HELZ: variants seen among roughly 807,000 people sequenced by gnomAD.
HELZ encodes ATP-dependent RNA helicase with zinc finger domain.
In HELZ, 23 loss-of-function variants were observed where a neutral mutation model predicts 218.2. The observed-to-expected ratio is 0.11, with a 90% confidence interval of 0.08 to 0.15. The LOEUF (loss-of-function observed/expected upper bound fraction) is 0.15, where lower values mean the gene tolerates loss of function less well. Among genes scored for constraint, HELZ ranks in the 10% least tolerant of loss-of-function variants. The pLI, the probability that HELZ is intolerant of heterozygous loss-of-function variation, is 1.00. For missense variants in HELZ, 1,813 were observed against 2,353.7 expected (o/e 0.77, Z 4.75); for synonymous variants, 814 against 829.4 (o/e 0.98, Z 0.32).
chr17:67,189,576 A>G lies in HELZ; in HGVS notation c.864+13T>C, dbSNP rs2039842761. The G allele has an allele frequency of 6.4e-7, 1 of 1,563,628 alleles. No homozygotes were observed. Among genetic ancestry groups the G allele is most frequent in the South Asian group, 1.1e-5 (1 of 89,498 alleles). ...ACACAACTTTTATGCTTTAACTAGC[A>G]CAAAATTCATACCTTACAAGTGAGA... On this transcript the variant is annotated intron_variant, in intron 11 of 32. Transcript: ENST00000358691.
chr17:67,245,297 C>T, upstream of HELZ: 2 of 896,316 alleles, frequency 2.2e-6, no homozygotes, highest in Non-Finnish European at 2.7e-6. Context: ...CGCCTCCCGC[C>T]CGGAAAGTTG....
At chr17:67,173,083 G>A (rs886985034) in intron 13 of HELZ, 1 of 961,798 alleles carries the variant, frequency 1.0e-6, no homozygotes, top group Admixed American at 6.2e-5. Flanking sequence ...CACCAGAAGT[G>A]CTAAGAAATA....
At chr17:67,119,953 G>A in intron 27 of HELZ, 1 of 414,622 alleles carries the variant, frequency 2.4e-6, no homozygotes, top group South Asian at 1.8e-5. Flanking sequence ...ATCTTCTGGA[G>A]AGAGGATCCA....
At chr17:67,230,530 G>A (rs1311854897) in intron 3 of HELZ, among the ~76,000 whole-genome samples, 2 of 147,024 alleles carry the variant, frequency 1.4e-5, no homozygotes, top group Admixed American at 7.0e-5. Context: ...CTGGGAGGCA[G>A]AGGTTGCAGT....
At chr17:67,175,005 T>C (rs1033043114) in intron 13 of HELZ, among the ~76,000 whole-genome samples, 3 of 152,312 alleles carry the variant, frequency 2.0e-5, no homozygotes, top group Non-Finnish European at 2.9e-5. Context: ...GATGAGTCTA[T>C]ATAAGCATAC....
intron 5 of HELZ, among the ~76,000 whole-genome samples, chr17:67,207,929 G>A (rs2040347055): frequency 6.6e-6 from 1 of 152,182 alleles, no homozygotes; most frequent in African/African-American, 2.4e-5. Flanking sequence ...TACCCAGGAG[G>A]CTGAAGTTGC....
intron 3 of HELZ, among the ~76,000 whole-genome samples, chr17:67,226,368 A>G (rs1028814901): frequency 6.6e-6 from 1 of 152,172 alleles, no homozygotes; most frequent in African/African-American, 2.4e-5. Flanking sequence ...ACTCCCAAAC[A>G]GGATATAATG....
chr17:67,213,607 C>T (rs991715450), intron 5 of HELZ, among the ~76,000 whole-genome samples: 3 of 151,806 alleles, frequency 2.0e-5, no homozygotes, highest in South Asian at 4.2e-4. Context: ...GATGACAGAG[C>T]GAGACTCCAT....
intron 14 of HELZ, 66 bp downstream of exon 14, chr17:67,167,397 A>C: frequency 8.3e-7 from 1 of 1,200,058 alleles, no homozygotes; most frequent in East Asian, 2.3e-5. Flanking sequence ...ACTAAACCAG[A>C]GGAAGACTAC....
At chr17:67,244,681 AG>A (rs2041424236) in intron 1 of HELZ, 1 of 981,916 alleles carries the variant, frequency 1.0e-6, no homozygotes, top group Non-Finnish European at 1.2e-6. Context: ...CCCCCGCTCC[AG>A]CCCCCACCCC....
intron 5 of HELZ, 165 bp downstream of exon 5, chr17:67,215,734 G>A: frequency 3.1e-6 from 2 of 653,912 alleles, no homozygotes; most frequent in South Asian, 1.7e-5. Context: ...AATGTTCACA[G>A]GTATGCCCAG....
intron 13 of HELZ, among the ~76,000 whole-genome samples, chr17:67,171,686 T>TTC (rs1333115951): frequency 1.3e-5 from 2 of 152,102 alleles, no homozygotes; most frequent in African/African-American, 4.8e-5. Flanking sequence ...AGGACAGAGT[T>TTC]TCTCTCTCAT....
chr17:67,213,533 A>G (rs909084663), intron 5 of HELZ, among the ~76,000 whole-genome samples: 2 of 152,160 alleles, frequency 1.3e-5, no homozygotes, highest in African/African-American at 4.8e-5. Context: ...GAGGCAGGAG[A>G]ATCACTTGAA....
At chr17:67,096,499 C>T (rs955976140) in intron 31 of HELZ, among the ~76,000 whole-genome samples, 5 of 152,204 alleles carry the variant, frequency 3.3e-5, no homozygotes, top group Non-Finnish European at 5.9e-5. Flanking sequence ...TTTGGTGTAG[C>T]CATCTTCATC....
At chr17:67,161,491 T>C (rs1450110689) in intron 15 of HELZ, among the ~76,000 whole-genome samples, 2 of 152,204 alleles carry the variant, frequency 1.3e-5, no homozygotes, top group African/African-American at 4.8e-5. Context: ...TGAAATGCAA[T>C]AGGGAAACTA....
At chr17:67,136,506 T>C (rs969222870) in intron 22 of HELZ, among the ~76,000 whole-genome samples, 10 of 152,204 alleles carry the variant, frequency 6.6e-5, no homozygotes, top group Admixed American at 6.5e-4. Flanking sequence ...TCCACGTTCA[T>C]AGCAGCATTA....
Position 67,188,393 on chromosome 17 carries a change from T to A in HELZ, c.1088A>T (p.Gln363Leu). 6.2e-7 allele frequency: 1 copy of A among 1,613,978 alleles called. No individual in the cohort carries two copies. The highest frequency in any genetic ancestry group is 8.5e-7 in the Non-Finnish European group (1 of 1,179,866). Residue 363 changes from glutamine to leucine, a missense_variant, in exon 12 of 33, where the codon CAA (glutamine) becomes CTA (leucine). Coordinates refer to ENST00000358691, the MANE Select transcript of HELZ (RefSeq NM_014877.4). The surrounding 1 kb of genome is among the most constrained non-coding windows in gnomAD (Gnocchi z 4.1). ...FNTEIFGTFRQTIVFDFGLEP... is the reference protein window; with the variant it reads ...FNTEIFGTFRLTIVFDFGLEP... ...CAATCCAAAGTCGAAAACTATGGTT[T>A]GGCGAAAAGTTCCAAATATTTCTGT...
chr17:67,085,116 C>A (rs2036328056), intron 32 of HELZ, among the ~76,000 whole-genome samples: 1 of 151,330 alleles, frequency 6.6e-6, no homozygotes, highest in Non-Finnish European at 1.5e-5. Flanking sequence ...CAAAAACAAA[C>A]AAACAAAAAA....
chr17:67,222,435 T>C (rs1470916701), intron 3 of HELZ, among the ~76,000 whole-genome samples: 2 of 152,184 alleles, frequency 1.3e-5, no homozygotes, highest in African/African-American at 2.4e-5. Flanking sequence ...AACATTAATA[T>C]GTAAGTAGAG....
Sources: allele counts gnomAD v4.1 joint callset (sites outside exome capture counted in the v4.1 genomes callset), GRCh38; gene constraint gnomAD v4.1.1; non-coding constraint Gnocchi (gnomAD v3.1); transcripts MANE v1.5; gene names NCBI Gene and HGNC (gene_info 2026-07-23, HGNC 2026-07-21).